TMEM44: variants seen among roughly 807,000 people sequenced by gnomAD.
TMEM44 encodes transmembrane protein 44.
A neutral mutation model predicts 47.8 loss-of-function variants in TMEM44; 43 were observed. That is an observed-to-expected ratio of 0.90 (90% CI 0.70 to 1.16). TMEM44 has a LOEUF of 1.16. TMEM44 is among the 50% of genes most tolerant of loss of function. The probability of loss-of-function intolerance (pLI) is 0.00; values close to 1 mark genes in which losing one functional copy is unlikely to be tolerated. For synonymous variants in TMEM44, 277 were observed against 238.8 expected (o/e 1.16, Z -1.48); for missense variants, 568 against 555.2 (o/e 1.02, Z -0.23).
chr3:194,618,819 C>T (rs892377007), intron 5 of TMEM44, among the ~76,000 whole-genome samples: 45 of 152,196 alleles, frequency 3.0e-4, no homozygotes, highest in African/African-American at 9.9e-4. Context: ...TTTCCCTCTG[C>T]GTCCCCTCCA....
intron 1 of TMEM44, 48 bp downstream of exon 1, chr3:194,633,031 G>A (rs1470562782): frequency 1.2e-5 from 8 of 656,664 alleles, no homozygotes; most frequent in Non-Finnish European, 1.5e-5. Context: ...GCAGGGGATT[G>A]GCGCCCGTTT....
intron 5 of TMEM44, among the ~76,000 whole-genome samples, chr3:194,620,774 CCAAA>C (rs1364332752): frequency 6.6e-6 from 1 of 152,032 alleles, no homozygotes; most frequent in African/African-American, 2.4e-5. Context: ...ACCTGTGAGG[CCAAA>C]CACTCTGGGA....
chr3:194,614,715 C>T (rs1267831864), intron 7 of TMEM44, among the ~76,000 whole-genome samples: 1 of 152,158 alleles, frequency 6.6e-6, no homozygotes, highest in African/African-American at 2.4e-5. Flanking sequence ...CCAAAAATCA[C>T]ATTATTTAAA....
At chr3:194,604,480 C>T (rs1438618014) in intron 8 of TMEM44, 35 bp from the exon 9 acceptor site, 6 of 1,463,332 alleles carry the variant, frequency 4.1e-6, no homozygotes, top group South Asian at 2.8e-5. Flanking sequence ...GGCAAGGACA[C>T]GTAGTTTAGT....
At chr3:194,614,232 G>A (rs1348315705) in intron 7 of TMEM44, among the ~76,000 whole-genome samples, 1 of 152,204 alleles carries the variant, frequency 6.6e-6, no homozygotes, top group Non-Finnish European at 1.5e-5. Flanking sequence ...CTCGTGGCTT[G>A]AGAGGACTTT....
chr3:194,628,713 C>CT (rs1181692942), intron 1 of TMEM44, among the ~76,000 whole-genome samples: 1 of 152,160 alleles, frequency 6.6e-6, no homozygotes, highest in African/African-American at 2.4e-5. Flanking sequence ...ATGGCAGGAG[C>CT]TAGACCTCGT....
At chr3:194,627,062 C>T (rs1717263726) in intron 2 of TMEM44, among the ~76,000 whole-genome samples, 1 of 152,080 alleles carries the variant, frequency 6.6e-6, no homozygotes. Context: ...GCTGGGACTA[C>T]AGGCACGCGC....
rs965450562 is a variant in TMEM44 at position 194,615,679 on chromosome 3, C to T, written c.802G>A (p.Val268Met). The change falls in exon 7 of 10, where the codon GTG becomes ATG. Residue 268 changes from valine to methionine, a missense_variant. Coordinates refer to ENST00000347147, the MANE Select transcript of TMEM44 (RefSeq NM_001011655.3). ...LDLAIIFLSCVMKSKMRQALG... is the reference protein window; with the variant it reads ...LDLAIIFLSCMMKSKMRQALG... ...GCCTGTCTCATCTTGCTCTTCATCA[C>T]ACACGAAAGGAAAATAATCTGAGAT... is the stretch of plus-strand genomic sequence containing the variant. 6.2e-7 allele frequency: 1 copy of T among 1,613,936 alleles called. No homozygotes were observed. The highest frequency in any genetic ancestry group is 8.5e-7 in the Non-Finnish European group (1 of 1,179,962).
In TMEM44 at chr3:194,607,206, T is replaced by G. The variant is rs1435905228; in HGVS notation, c.1018-2761A>C. ...AGAAAGAGCCTGGCACCCCTTCCTC[T>G]CTCTCCTGCCATGTGAAGCCTGCTT... On this transcript the variant is annotated intron_variant, in intron 8 of 9. Transcript: ENST00000347147. Among the ~76,000 whole-genome samples the G allele has an allele frequency of 7.9e-5, 12 of 152,074 alleles. No homozygotes were observed. In the East Asian group the frequency reaches 2.3e-3, roughly 30 times the overall value.
chr3:194,625,404 C>G (rs779759497), intron 3 of TMEM44, among the ~76,000 whole-genome samples: 3 of 151,012 alleles, frequency 2.0e-5, no homozygotes, highest in Non-Finnish European at 4.4e-5. Context: ...AGCTGGCAGC[C>G]CTAATGAGAC....
chr3:194,628,348 G>T, intron 2 of TMEM44, 35 bp downstream of exon 2: 1 of 1,598,054 alleles, frequency 6.3e-7, no homozygotes, highest in Non-Finnish European at 8.5e-7. Flanking sequence ...CCTTAGTGCT[G>T]GCCTAAGCCA....
chr3:194,591,061 G>T (rs1392738803), intron 9 of TMEM44, among the ~76,000 whole-genome samples: 2 of 151,460 alleles, frequency 1.3e-5, no homozygotes, highest in Non-Finnish European at 2.9e-5. Context: ...AAGTATAGTG[G>T]TGGGCGCCCG....
chr3:194,601,691 A>ACC (rs1714149863), intron 9 of TMEM44, among the ~76,000 whole-genome samples: 1 of 150,390 alleles, frequency 6.6e-6, no homozygotes, highest in African/African-American at 2.4e-5. Flanking sequence ...CAGGTGATCC[A>ACC]CCCGCCTCTG....
chr3:194,616,285 C>T (rs1016278063), intron 6 of TMEM44, among the ~76,000 whole-genome samples: 5 of 152,178 alleles, frequency 3.3e-5, no homozygotes, highest in Non-Finnish European at 7.3e-5. Context: ...CTCCTGATCT[C>T]AGATGATCCT....
intron 5 of TMEM44, among the ~76,000 whole-genome samples, chr3:194,619,270 T>A (rs1428789901): frequency 2.6e-5 from 4 of 152,092 alleles, no homozygotes; most frequent in African/African-American, 9.7e-5. Context: ...CTGAAAAAAA[T>A]AGAGAGCTCT....
chr3:194,597,617 G>A (rs1261779367), intron 9 of TMEM44, among the ~76,000 whole-genome samples: 8 of 148,032 alleles, frequency 5.4e-5, no homozygotes, highest in East Asian at 4.0e-4. Context: ...CCGAGATTGC[G>A]CCATTGCACT....
intron 9 of TMEM44, chr3:194,596,945 A>G (rs969711283): frequency 6.6e-6 from 1 of 152,264 alleles, no homozygotes; most frequent in African/African-American, 2.4e-5. Flanking sequence ...TGGAGAGAGA[A>G]CAAGCAGTTG....
At chr3:194,595,626 A>ATTTTTTTTTTTT (rs1183156467) in intron 9 of TMEM44, among the ~76,000 whole-genome samples, 1 of 145,476 alleles carries the variant, frequency 6.9e-6, no homozygotes, top group African/African-American at 2.5e-5. Flanking sequence ...CTCATTCTCT[A>ATTTTTTTTTTTT]TTTTTTTTTT....
At chr3:194,609,895 G>C (rs909660597) in intron 8 of TMEM44, among the ~76,000 whole-genome samples, 3 of 152,030 alleles carry the variant, frequency 2.0e-5, no homozygotes, top group African/African-American at 7.2e-5. Flanking sequence ...CTGACCCTGA[G>C]TCTCCAGTAC....
Sources: gnomAD v4.1 joint callset for allele counts (sites outside exome capture counted in the v4.1 genomes callset) on GRCh38, gnomAD v4.1.1 for gene constraint, MANE v1.5 for transcripts, NCBI Gene and HGNC (gene_info 2026-07-23, HGNC 2026-07-21) for gene names.